Variants in KIRREL1 observed in about 807,000 individuals in gnomAD.
KIRREL1 encodes the protein kin of IRRE-like protein 1.
KIRREL1 carries 25 observed loss-of-function variants against 83.3 expected under a neutral mutation model. The observed-to-expected ratio is 0.30, with a 90% confidence interval of 0.22 to 0.42. The LOEUF is 0.42. Ranked by LOEUF, KIRREL1 falls within the 10% of genes least tolerant of loss-of-function variation. The probability of loss-of-function intolerance (pLI) is 1.00; values close to 1 mark genes in which losing one functional copy is unlikely to be tolerated. For missense variants in KIRREL1, 812 were observed against 1,032.3 expected (o/e 0.79, Z 2.92); for synonymous variants, 388 against 410.4 (o/e 0.95, Z 0.66).
intron 1 of KIRREL1, among the ~76,000 whole-genome samples, chr1:158,017,287 T>TC (rs1199116255): frequency 6.6e-6 from 1 of 152,210 alleles, no homozygotes; most frequent in African/African-American, 2.4e-5. Context: ...TCAAGGTCTT[T>TC]CTAGCCCTTC....
At chr1:158,024,052 A>G (rs1002488743) in intron 1 of KIRREL1, among the ~76,000 whole-genome samples, 1 of 151,978 alleles carries the variant, frequency 6.6e-6, no homozygotes, top group Non-Finnish European at 1.5e-5. Flanking sequence ...GGTTCAAGTG[A>G]TTCTCTTGCC....
At chr1:158,092,685 T>C (rs1662239355) in intron 11 of KIRREL1, among the ~76,000 whole-genome samples, 1 of 150,382 alleles carries the variant, frequency 6.6e-6, no homozygotes, top group Non-Finnish European at 1.5e-5. Context: ...AGCAAGGGGG[T>C]TGGGGGTGGG....
At chr1:158,005,394 T>G (rs1659488260) in intron 1 of KIRREL1, among the ~76,000 whole-genome samples, 3 of 152,030 alleles carry the variant, frequency 2.0e-5, no homozygotes, top group Admixed American at 1.3e-4. Flanking sequence ...CAAGATTGTC[T>G]TATCTAAGCC....
At chr1:158,078,568 C>T (rs887877866) in intron 3 of KIRREL1, among the ~76,000 whole-genome samples, 6 of 152,180 alleles carry the variant, frequency 3.9e-5, no homozygotes, top group East Asian at 1.9e-4. Context: ...AAACGGCCCC[C>T]GTGCCCCTCC....
chr1:158,096,930 G>T lies in KIRREL1; in HGVS notation c.*1810G>T, dbSNP rs968108992. On this transcript the variant is annotated 3_prime_UTR_variant, in exon 15 of 15. Transcript: ENST00000359209. ...GCTTTAATGAGTTACATGCTTATCA[G>T]CCACAGGCCATTACCACCCTTATGG... The T allele has an allele frequency of 1.2e-4, 56 of 456,706 alleles. No homozygotes were observed. The East Asian group carries it at 3.5e-3, about 29-fold the overall frequency. 28.3% of individuals were successfully genotyped at this position (456,706 alleles called of 1,614,324 possible). A position where few individuals can be genotyped will look rare whatever the true frequency, so the allele number is the denominator to read the frequency against.
chr1:158,087,938 C>G, intron 6 of KIRREL1, 68 bp from the exon 7 acceptor site: 1 of 1,608,532 alleles, frequency 6.2e-7, no homozygotes, highest in Non-Finnish European at 8.5e-7. Context: ...CTGGGGAGGC[C>G]AGGTGTCATG....
chr1:158,010,326 AACACACAC>A lies in KIRREL1; in HGVS notation c.52+16627_52+16634del, dbSNP rs56353855. ...AAGGAGAGCAGGAGTCCCCACCATA[AACACACAC>A]ACACACACACACACACACACACACA... On this transcript the variant is annotated intron_variant, in intron 1 of 14. Transcript: ENST00000359209. Among the ~76,000 whole-genome samples, 48 of 72,228 alleles carry A rather than the reference AACACACAC, an allele frequency of 6.6e-4. 2 individuals are homozygous for A. In the East Asian group the frequency reaches 1.0e-2, roughly 15 times the overall value. 47.4% of individuals were successfully genotyped at this position (72,228 alleles called of 152,430 possible).
intron 1 of KIRREL1, among the ~76,000 whole-genome samples, chr1:158,056,320 C>G (rs1661055916): frequency 6.6e-6 from 1 of 152,238 alleles, no homozygotes; most frequent in Non-Finnish European, 1.5e-5. Context: ...GCCCTTGTGT[C>G]TGTCTCCCAA....
chr1:158,009,465 G>T (rs1275118240), intron 1 of KIRREL1, among the ~76,000 whole-genome samples: 2 of 152,316 alleles, frequency 1.3e-5, no homozygotes, highest in South Asian at 2.1e-4. Flanking sequence ...GGTGGCTGTT[G>T]TTACTACTAC....
In KIRREL1 at chr1:158,091,562, T is replaced by C. The variant is rs752722602; in HGVS notation, c.1471+6T>C. The C allele has an allele frequency of 4.3e-6, 7 of 1,613,910 alleles. No homozygotes were observed. The East Asian group carries it at 1.3e-4, about 31-fold the overall frequency. On this transcript the variant is annotated splice_donor_region_variant and intron_variant, in intron 11 of 14. Transcript: ENST00000359209. ...CATCCAGCTGGAAGAGCGAGGTGAC[T>C]GGTAGTGCTGCCTGCCAGCTGGGGT...
At chr1:158,086,382 T>G (rs55705020) in intron 4 of KIRREL1, among the ~76,000 whole-genome samples, 14,399 of 151,798 alleles carry the variant, frequency 0.095, 811 homozygotes, top group African/African-American at 0.15. Context: ...CCTAAAAATA[T>G]ATAACTTTTA....
At chr1:158,047,673 C>G (rs896972694) in intron 1 of KIRREL1, among the ~76,000 whole-genome samples, 2 of 152,116 alleles carry the variant, frequency 1.3e-5, no homozygotes, top group Non-Finnish European at 2.9e-5. Flanking sequence ...GTTGGGTTAA[C>G]CAAGGCTCAG....
At chr1:158,042,215 GTGTGT>G (rs1335786256) in intron 1 of KIRREL1, among the ~76,000 whole-genome samples, 4 of 24,168 alleles carry the variant, frequency 1.7e-4, no homozygotes, top group African/African-American at 7.3e-4. Flanking sequence ...TCTCCAGGGT[GTGTGT>G]GTGTGTGTGT....
intron 1 of KIRREL1, among the ~76,000 whole-genome samples, chr1:158,020,817 C>T (rs899343711): frequency 3.9e-5 from 6 of 152,140 alleles, no homozygotes; most frequent in African/African-American, 1.4e-4. Flanking sequence ...GCTAAAAATT[C>T]ATTATCATGC....
In KIRREL1 at chr1:158,097,043, C is replaced by T. The variant is rs188102629; in HGVS notation, c.*1923C>T. Reference sequence around the variant, plus strand: ...AAGCAAGTAGCTCTAATTTTAACTTCACAGGAAGTCTGTGCATCCTCCTTC... The same window carrying T: ...AAGCAAGTAGCTCTAATTTTAACTTTACAGGAAGTCTGTGCATCCTCCTTC... On this transcript the variant is annotated 3_prime_UTR_variant, in exon 15 of 15. Coordinates refer to ENST00000359209, the MANE Select transcript of KIRREL1 (RefSeq NM_018240.7). 2.6e-4 allele frequency: 120 copies of T among 456,854 alleles called. No homozygotes were observed. In the East Asian group the frequency reaches 5.3e-3, roughly 20 times the overall value. The allele number at this position is 456,854 out of a possible 1,614,324, so 28.3% of individuals were successfully genotyped here. A position where few individuals can be genotyped will look rare whatever the true frequency, so the allele number is the denominator to read the frequency against.
At chr1:158,057,616 AG>A (rs1204573737) in intron 1 of KIRREL1, among the ~76,000 whole-genome samples, 1 of 152,156 alleles carries the variant, frequency 6.6e-6, no homozygotes, top group Non-Finnish European at 1.5e-5. Context: ...GGAAAAGAAA[AG>A]ATGTGTAATA....
chr1:158,010,359 A>ACACACACC (rs1553236096), intron 1 of KIRREL1, among the ~76,000 whole-genome samples: 5 of 61,362 alleles, frequency 8.1e-5, no homozygotes, highest in African/African-American at 1.6e-4. Flanking sequence ...ACACACACAC[A>ACACACACC]CACCCCACAC....
intron 1 of KIRREL1, among the ~76,000 whole-genome samples, chr1:158,012,435 G>T (rs1482009739): frequency 1.3e-5 from 2 of 152,152 alleles, no homozygotes; most frequent in African/African-American, 4.8e-5. Flanking sequence ...ATGGAATGAT[G>T]ATAAAGACTG....
At chr1:158,058,319 A>G (rs4971189) in intron 1 of KIRREL1, among the ~76,000 whole-genome samples, 151,895 of 152,332 alleles carry the variant, frequency 1, 75,729 homozygotes, top group Middle Eastern at 1. Context: ...TTTTCCCAAC[A>G]GGTTGCGCTG....
Sources: gnomAD v4.1 joint callset for allele counts (sites outside exome capture counted in the v4.1 genomes callset) on GRCh38, gnomAD v4.1.1 for gene constraint, MANE v1.5 for transcripts, NCBI Gene and HGNC (gene_info 2026-07-23, HGNC 2026-07-21) for gene names.